The following RICTOR variants were observed in gnomAD, a reference collection of about 807,000 sequenced individuals.
RICTOR encodes the protein RPTOR independent companion of MTOR complex 2.
Under a neutral mutation model 214.9 loss-of-function variants are expected in RICTOR, and 49 were observed. The ratio of observed to expected loss-of-function variants is 0.23; its 90% CI spans 0.18 to 0.29. The LOEUF (loss-of-function observed/expected upper bound fraction) is 0.29. Ranked by LOEUF, RICTOR falls within the 10% of genes least tolerant of loss-of-function variation. The pLI is 1.00. For synonymous variants in RICTOR, 717 were observed against 711.3 expected, an observed-to-expected ratio of 1.01 and a Z score of -0.13; for missense variants, 1,625 against 2,047.0, an observed-to-expected ratio of 0.79 and a Z score of 3.98.
chr5:39,049,292 G>T (rs1475608704), intron 2 of RICTOR, among the ~76,000 whole-genome samples: 4 of 147,312 alleles, frequency 2.7e-5, no homozygotes, highest in African/African-American at 1.0e-4. Flanking sequence ...ACAGAAACAA[G>T]AAAAAAAAAG....
intron 2 of RICTOR, among the ~76,000 whole-genome samples, chr5:39,039,531 C>T (rs1464879731): frequency 6.6e-6 from 1 of 152,114 alleles, no homozygotes; most frequent in Non-Finnish European, 1.5e-5. Context: ...GAACAGGTAA[C>T]CTACAGAATA....
intron 2 of RICTOR, among the ~76,000 whole-genome samples, chr5:39,025,590 C>G (rs145022484): frequency 2.0e-5 from 3 of 152,176 alleles, no homozygotes; most frequent in Non-Finnish European, 4.4e-5. Context: ...TCTCATAGTT[C>G]TGCAGGCTGC....
chr5:38,994,851 G>C (rs1753064607), intron 6 of RICTOR, among the ~76,000 whole-genome samples: 1 of 152,160 alleles, frequency 6.6e-6, no homozygotes, highest in Non-Finnish European at 1.5e-5. Context: ...CTTTTCTTCT[G>C]ACAGCAGTCT....
At position 39,006,077 on chromosome 5, in the gene RICTOR, T is replaced by C. The variant is rs1376144603; in HGVS notation, c.196-2455A>G. Among the ~76,000 whole-genome samples the C allele has an allele frequency of 2.0e-5, 3 of 152,212 alleles. No homozygotes were observed. In the East Asian group the frequency reaches 5.8e-4, roughly 29 times the overall value. On this transcript the variant is annotated intron_variant, in intron 3 of 37. Transcript: ENST00000357387. ...ACTCCACCAAAACCTCTGTGCTGTT[T>C]TTTGACTTTCGGCAACAGTATTTCT... is the stretch of plus-strand genomic sequence containing the variant.
chr5:39,043,572 C>A (rs990460313), intron 2 of RICTOR, among the ~76,000 whole-genome samples: 8 of 152,116 alleles, frequency 5.3e-5, no homozygotes, highest in Non-Finnish European at 2.9e-5. Context: ...ATTAACAGTA[C>A]TGTATTGTAT....
intron 7 of RICTOR, among the ~76,000 whole-genome samples, chr5:38,989,940 T>G (rs1254584268): frequency 6.6e-6 from 1 of 152,158 alleles, no homozygotes; most frequent in Non-Finnish European, 1.5e-5. Context: ...AAGAAGAGTG[T>G]GGCAATTCCT....
chr5:38,991,082 C>T lies in RICTOR; in HGVS notation c.457-7G>A, dbSNP rs1752740533. 1 of 1,574,474 alleles carries T rather than the reference C, an allele frequency of 6.4e-7. No homozygotes were observed. The highest frequency in any genetic ancestry group is 8.6e-7 in the Non-Finnish European group (1 of 1,157,826). ...AAGCATTCACAGTAATCATCTGTAACAGAAGGAATCAGAAAAAGAAGTTAC... is the reference window on the plus strand; with the variant it reads ...AAGCATTCACAGTAATCATCTGTAATAGAAGGAATCAGAAAAAGAAGTTAC... On this transcript the variant is annotated splice_region_variant and splice_polypyrimidine_tract_variant and intron_variant, in intron 6 of 37. Transcript: ENST00000357387.
chr5:38,961,511 A>G (rs572520736), intron 19 of RICTOR, among the ~76,000 whole-genome samples: 33 of 152,260 alleles, frequency 2.2e-4, no homozygotes, highest in African/African-American at 7.7e-4. Flanking sequence ...CTAAGCTTCT[A>G]CTGAATTTAG....
chr5:39,062,791 C>T (rs1158752644), intron 2 of RICTOR, among the ~76,000 whole-genome samples: 1 of 152,054 alleles, frequency 6.6e-6, no homozygotes, highest in Non-Finnish European at 1.5e-5. Flanking sequence ...TGACTAAAAT[C>T]CCTGAAGTCT....
intron 27 of RICTOR, among the ~76,000 whole-genome samples, chr5:38,954,346 C>T (rs1749053733): frequency 6.6e-6 from 1 of 151,878 alleles, no homozygotes; most frequent in Non-Finnish European, 1.5e-5. Context: ...ATAAAATGTG[C>T]TCACAACCAG....
rs191166055 is a variant in RICTOR at position 39,034,695 on chromosome 5, C to T, written c.98-13559G>A. Among the ~76,000 whole-genome samples, 1,067 of 152,332 alleles carry T rather than the reference C, an allele frequency of 7.0e-3. 14 individuals carry two copies. The highest frequency in any genetic ancestry group is 0.023 in the African/African-American group (944 of 41,570). Reference sequence around the variant, plus strand: ...CCCACACCTGGCTCAGCGGGTCCTACGCCCACAGAGCCTCACTCATTGCTA... The same window carrying T: ...CCCACACCTGGCTCAGCGGGTCCTATGCCCACAGAGCCTCACTCATTGCTA... On this transcript the variant is annotated intron_variant, in intron 2 of 37. Coordinates refer to ENST00000357387, the MANE Select transcript of RICTOR (RefSeq NM_152756.5).
At chr5:39,041,627 T>C (rs1036156302) in intron 2 of RICTOR, among the ~76,000 whole-genome samples, 2 of 152,174 alleles carry the variant, frequency 1.3e-5, no homozygotes, top group African/African-American at 4.8e-5. Context: ...GGATGAAGTC[T>C]AGATTTCCGG....
At position 38,940,263 on chromosome 5, in the gene RICTOR, CAAA is replaced by C. The variant is rs199955000; in HGVS notation, c.*2038_*2040del. The C allele has an allele frequency of 3.3e-5, 7 of 212,086 alleles. No individual in the cohort carries two copies. The highest frequency in any genetic ancestry group is 6.5e-5 in the Non-Finnish European group (7 of 107,440). 13.1% of individuals were successfully genotyped at this position (212,086 alleles called of 1,614,324 possible). A position where few individuals can be genotyped will look rare whatever the true frequency, so the allele number is the denominator to read the frequency against. ...GGAGGGGGTGTGTGTGTGTGTAAGA[CAAA>C]AAAAAAATTACTGTTAACTTTTGAG... On this transcript the variant is annotated 3_prime_UTR_variant, in exon 38 of 38. Transcript: ENST00000357387.
chr5:38,998,556 G>C (rs894624579), intron 5 of RICTOR, among the ~76,000 whole-genome samples: 1 of 152,076 alleles, frequency 6.6e-6, no homozygotes, highest in Admixed American at 6.6e-5. Context: ...ACAAACAAAG[G>C]ACCAAGAACC....
chr5:38,953,499 C>A lies in RICTOR; in HGVS notation c.2752G>T (p.Glu918Ter). Residue 918 changes from glutamate (E) to a stop codon, truncating the protein, a stop_gained, in exon 28 of 38, where the codon GAA becomes TAA. Transcript: ENST00000357387. LOFTEE classifies it high-confidence loss of function. ...GATGCTTTCAGTTTTTTAATTTCTT[C>A]CCACTTATCCAAATCTGGTGTACGA... The part of the protein sequence containing the change: ...NVRTPDLDKW[E>*]EIKKLKASLW... 1 of 1,502,652 alleles carries A rather than the reference C, an allele frequency of 6.7e-7. No homozygotes were observed. The highest frequency in any genetic ancestry group is 8.9e-7 in the Non-Finnish European group (1 of 1,120,932). The allele number at this position is 1,502,652 out of a possible 1,614,324, so 93.1% of individuals were successfully genotyped here.
intron 2 of RICTOR, among the ~76,000 whole-genome samples, chr5:39,043,557 CTATGAT>C (rs1267978937): frequency 3.9e-5 from 6 of 152,178 alleles, no homozygotes; most frequent in Admixed American, 6.5e-5. Context: ...AGTAGGGTGA[CTATGAT>C]TAACAGTACT....
chr5:39,015,842 G>A (rs1186675778), intron 3 of RICTOR, among the ~76,000 whole-genome samples: 1 of 152,076 alleles, frequency 6.6e-6, no homozygotes, highest in African/African-American at 2.4e-5. Context: ...TATGTGTCAG[G>A]CACTAGACTG....
intron 25 of RICTOR, among the ~76,000 whole-genome samples, chr5:38,956,489 G>A (rs1239729167): frequency 1.3e-5 from 2 of 152,022 alleles, no homozygotes; most frequent in African/African-American, 4.8e-5. Context: ...AGTCTATAAT[G>A]TTCCAATGAT....
intron 17 of RICTOR, 48 bp from the exon 18 acceptor site, chr5:38,962,634 A>C (rs531166953): frequency 2.8e-6 from 3 of 1,065,750 alleles, no homozygotes; most frequent in Non-Finnish European, 4.2e-6. Flanking sequence ...AACTGTCCTC[A>C]TATCAGAAAA....
Sources: allele counts gnomAD v4.1 joint callset (sites outside exome capture counted in the v4.1 genomes callset), GRCh38; gene constraint gnomAD v4.1.1; transcripts MANE v1.5; gene names NCBI Gene and HGNC (gene_info 2026-07-23, HGNC 2026-07-21).